The following UGT2B17 variants were observed in gnomAD, a reference collection of about 807,000 sequenced individuals.
UGT2B17 encodes UDP glucuronosyltransferase family 2 member B17, also known as UDP-glucuronosyltransferase 2B17.
UGT2B17 carries 21 observed loss-of-function variants against 48.2 expected under a neutral mutation model. The ratio of observed to expected loss-of-function variants is 0.44; its 90% confidence interval spans 0.31 to 0.63. The LOEUF (loss-of-function observed/expected upper bound fraction) is 0.63, where lower values mean the gene tolerates loss of function less well. Ranked by LOEUF, UGT2B17 falls within the 20% of genes least tolerant of loss-of-function variation. The pLI, the probability that UGT2B17 is intolerant of heterozygous loss-of-function variation, is 0.08. For missense variants in UGT2B17, 402 were observed against 696.1 expected (o/e 0.58, Z 4.75); for synonymous variants, 146 against 238.4 (o/e 0.61, Z 3.57).
Position 68,545,844 on chromosome 4 carries a change from G to A in UGT2B17, c.1313+4833C>T, listed in dbSNP as rs878909205. On this transcript the variant is annotated intron_variant, in intron 6 of 6. Transcript: ENST00000317746. Reference sequence around the variant, plus strand: ...TCAAGAAGAAATGGATAAATTCCTCGACACACACACCCTCCCAAGACTAAA... The same window carrying A: ...TCAAGAAGAAATGGATAAATTCCTCAACACACACACCCTCCCAAGACTAAA... Among the ~76,000 whole-genome samples, 18 of 125,360 alleles carry A rather than the reference G, an allele frequency of 1.4e-4. 3 individuals carry two copies. Among genetic ancestry groups the A allele is most frequent in the Non-Finnish European group, 2.2e-4 (13 of 59,348 alleles). 82.2% of individuals were successfully genotyped at this position (125,360 alleles called of 152,430 possible).
In UGT2B17 at chr4:68,575,769, C is replaced by T. The variant is rs1343589386; in HGVS notation, c.-65+182G>A. ...ATCAAAAGTGCCAATACAGGCACAC[C>T]GTGGGTGATCAGGCTATGCTACACT... is the stretch of plus-strand genomic sequence containing the variant. On this transcript the variant is annotated intron_variant, in intron 1 of 6. Transcript: ENST00000317746. Among the ~76,000 whole-genome samples, 7 of 126,002 alleles carry T rather than the reference C, an allele frequency of 5.6e-5. 2 individuals carry two copies. The highest frequency in any genetic ancestry group is 1.4e-4 in the African/African-American group (5 of 36,696). 82.7% of individuals were successfully genotyped at this position (126,002 alleles called of 152,430 possible). A position where few individuals can be genotyped will look rare whatever the true frequency, so the allele number is the denominator to read the frequency against.
intron 1 of UGT2B17, among the ~76,000 whole-genome samples, chr4:68,569,403 A>G (rs1304359059): frequency 8.0e-6 from 1 of 124,652 alleles, no homozygotes; most frequent in Non-Finnish European, 1.7e-5. Flanking sequence ...AAGCTGAGTC[A>G]AATTAGAGAA....
chr4:68,565,977 A>T lies in UGT2B17; in HGVS notation c.725-257T>A, dbSNP rs1345109759. Among the ~76,000 whole-genome samples the T allele has an allele frequency of 1.7e-5, 2 of 118,988 alleles. 1 individual carries two copies. Among genetic ancestry groups the T allele is most frequent in the East Asian group, 1.5e-3 (2 of 1,298 alleles). 78.1% of individuals were successfully genotyped at this position (118,988 alleles called of 152,430 possible). ...ATTAATGTATTTAATATATGTTAAT[A>T]TATTTTAATTTAATAGTATTTAATT... is the stretch of plus-strand genomic sequence containing the variant. On this transcript the variant is annotated intron_variant, in intron 2 of 6. Transcript: ENST00000317746.
At chr4:68,545,185 C>T (rs1425187788) in intron 6 of UGT2B17, among the ~76,000 whole-genome samples, 1 of 126,144 alleles carries the variant, frequency 7.9e-6, no homozygotes, top group African/African-American at 2.7e-5. Context: ...TAAAGCACTC[C>T]TCAGCAAATG....
chr4:68,549,472 A>C (rs1460516268), intron 6 of UGT2B17, among the ~76,000 whole-genome samples: 1 of 125,684 alleles, frequency 8.0e-6, no homozygotes, highest in Non-Finnish European at 1.7e-5. Context: ...AAATAGAAAA[A>C]TGACAAAATG....
Position 68,567,941 on chromosome 4 carries a change from C to T in UGT2B17, c.544G>A (p.Glu182Lys). 1 of 1,380,684 alleles carries T rather than the reference C, an allele frequency of 7.2e-7. No individual in the cohort carries two copies. Among genetic ancestry groups the T allele is most frequent in the Non-Finnish European group, 9.5e-7 (1 of 1,054,970 alleles). The allele number at this position is 1,380,684 out of a possible 1,614,324, so 85.5% of individuals were successfully genotyped here. A position where few individuals can be genotyped will look rare whatever the true frequency, so the allele number is the denominator to read the frequency against. The change falls in exon 2 of 7, where the codon GAG (glutamate) becomes AAG (lysine). Residue 182 changes from glutamate (E) to lysine (K), a missense_variant. By Grantham distance (56) the Glu-to-Lys change is moderately conservative. This residue lies in a region of UGT2B17 where 106 missense variants were observed against 169.8 expected (regional missense o/e 0.62). Coordinates refer to ENST00000317746, the MANE Select transcript of UGT2B17 (RefSeq NM_001077.4). ...AACAGAAATCCTCCACCATTCTTCT[C>T]AACTGTGTAGCCAACAGAGAAGCGG... The part of the protein sequence containing the change: ...SLRFSVGYTV[E>K]KNGGGFLFPP...
intron 6 of UGT2B17, among the ~76,000 whole-genome samples, chr4:68,542,402 G>A (rs1730680360): frequency 7.9e-6 from 1 of 126,332 alleles, no homozygotes; most frequent in Non-Finnish European, 1.7e-5. Flanking sequence ...CTAGCTCTGT[G>A]AGGAATGTCA....
intron 6 of UGT2B17, among the ~76,000 whole-genome samples, chr4:68,542,831 G>A (rs1303511296): frequency 7.9e-6 from 1 of 127,138 alleles, no homozygotes; most frequent in Non-Finnish European, 1.7e-5. Flanking sequence ...CGCCCACGGA[G>A]CCTCGCTCAT....
intron 2 of UGT2B17, 106 bp from the exon 3 acceptor site, chr4:68,565,826 T>C (rs930022544): frequency 8.7e-6 from 8 of 920,290 alleles, no homozygotes; most frequent in Non-Finnish European, 1.1e-5. Flanking sequence ...ATAACATACC[T>C]AAAAATATAT....
Position 68,568,017 on chromosome 4 carries a change from G to A in UGT2B17, c.468C>T (p.Pro156=). 1 of 1,382,288 alleles carries A rather than the reference G, an allele frequency of 7.2e-7. No homozygotes were observed. The highest frequency in any genetic ancestry group is 1.5e-5 in the African/African-American group (1 of 67,804). The allele number at this position is 1,382,288 out of a possible 1,614,324, so 85.6% of individuals were successfully genotyped here. ...GTAGCTCAGCCAGCAGCTCACCACAGGGATTAACGGCATCTGCCAGAAGGA... is the reference window on the plus strand; with the variant it reads ...GTAGCTCAGCCAGCAGCTCACCACAAGGATTAACGGCATCTGCCAGAAGGA... The part of the protein sequence containing the change: ...FDVLLADAVN[P]CGELLAELLN... Residue 156 remains proline, a synonymous_variant, in exon 2 of 7, where the codon CCC becomes CCT. Transcript: ENST00000317746.
Position 68,537,651 on chromosome 4 carries a change from T to A in UGT2B17, c.1567A>T (p.Thr523Ser). Residue 523 changes from threonine to serine, a missense_variant, in exon 7 of 7, where the codon ACA becomes TCA. Physicochemically the swap from Thr to Ser is moderately conservative, Grantham distance 58. Coordinates refer to ENST00000317746, the MANE Select transcript of UGT2B17 (RefSeq NM_001077.4). ...CLFCFRKLAK[T>S]GKKKKRD Reference sequence around the variant, plus strand: ...TAATCCCTTTTCTTCTTCTTTCCTGTTTTGGCAAGCTTTCGGAAACAAAAC... The same window carrying A: ...TAATCCCTTTTCTTCTTCTTTCCTGATTTGGCAAGCTTTCGGAAACAAAAC... 7.3e-7 allele frequency: 1 copy of A among 1,375,124 alleles called. No individual in the cohort carries two copies. The highest frequency in any genetic ancestry group is 9.5e-7 in the Non-Finnish European group (1 of 1,052,138). 85.2% of individuals were successfully genotyped at this position (1,375,124 alleles called of 1,614,324 possible).
intron 3 of UGT2B17, among the ~76,000 whole-genome samples, chr4:68,562,203 C>T (rs1159775276): frequency 8.0e-6 from 1 of 124,224 alleles, no homozygotes; most frequent in African/African-American, 2.8e-5. Context: ...GCGACCTCTG[C>T]CTCCCAGGTT....
At position 68,563,380 on chromosome 4, in the gene UGT2B17, C is replaced by A. The variant is rs192483559; in HGVS notation, c.873+2192G>T. ...ATCCCAGCACTTTGGAAGGTTGAGG[C>A]AAGTGGATCACCTGAGGTCAGGAGT... is the stretch of plus-strand genomic sequence containing the variant. On this transcript the variant is annotated intron_variant, in intron 3 of 6. Coordinates refer to ENST00000317746, the MANE Select transcript of UGT2B17 (RefSeq NM_001077.4). Among the ~76,000 whole-genome samples, 5 of 127,062 alleles carry A rather than the reference C, an allele frequency of 3.9e-5. 1 individual carries two copies. Among genetic ancestry groups the A allele is most frequent in the Admixed American group, 3.2e-4 (4 of 12,408 alleles). The allele number at this position is 127,062 out of a possible 152,430, so 83.4% of individuals were successfully genotyped here. A position where few individuals can be genotyped will look rare whatever the true frequency, so the allele number is the denominator to read the frequency against.
chr4:68,574,061 G>A lies in UGT2B17; in HGVS notation c.-65+1890C>T, dbSNP rs368131256. Among the ~76,000 whole-genome samples the A allele has an allele frequency of 1.6e-5, 2 of 127,232 alleles. 1 individual carries two copies. The highest frequency in any genetic ancestry group is 1.5e-3 in the East Asian group (2 of 1,328). 83.5% of individuals were successfully genotyped at this position (127,232 alleles called of 152,430 possible). ...ACAATTAGGGCCTCTGGCCTGCCAT[G>A]TGCACAAGCATAACAATTGCTTTTG... is the stretch of plus-strand genomic sequence containing the variant. On this transcript the variant is annotated intron_variant, in intron 1 of 6. Transcript: ENST00000317746.
At chr4:68,545,377 G>A (rs1730778396) in intron 6 of UGT2B17, among the ~76,000 whole-genome samples, 1 of 125,380 alleles carries the variant, frequency 8.0e-6, no homozygotes, top group Non-Finnish European at 1.7e-5. Flanking sequence ...TGAAACCAAC[G>A]AGAACAAAGA....
chr4:68,563,578 T>A lies in UGT2B17; in HGVS notation c.873+1994A>T, dbSNP rs1267526417. Among the ~76,000 whole-genome samples the A allele has an allele frequency of 3.9e-5, 5 of 126,970 alleles. 2 individuals are homozygous for A. The highest frequency in any genetic ancestry group is 8.4e-5 in the Non-Finnish European group (5 of 59,774). 83.3% of individuals were successfully genotyped at this position (126,970 alleles called of 152,430 possible). ...TTGCAGTGAGCTGAGATCATGGTAG[T>A]ATTAGTAATAATCACTATTGTACTA... On this transcript the variant is annotated intron_variant, in intron 3 of 6. Transcript: ENST00000317746.
At chr4:68,541,491 GGT>G (rs1303490520) in intron 6 of UGT2B17, among the ~76,000 whole-genome samples, 1 of 124,834 alleles carries the variant, frequency 8.0e-6, no homozygotes, top group African/African-American at 2.7e-5. Context: ...TTTTGGTGGT[GGT>G]GTTTTTTTTC....
chr4:68,547,591 A>G (rs1186500382), intron 6 of UGT2B17, among the ~76,000 whole-genome samples: 1 of 125,982 alleles, frequency 7.9e-6, no homozygotes, highest in African/African-American at 2.7e-5. Flanking sequence ...TCATTAAACT[A>G]AAGAGCTTCT....
Position 68,547,675 on chromosome 4 carries a change from A to C in UGT2B17, c.1313+3002T>G, listed in dbSNP as rs1170337785. Among the ~76,000 whole-genome samples, 2 of 126,268 alleles carry C rather than the reference A, an allele frequency of 1.6e-5. 1 individual carries two copies. The highest frequency in any genetic ancestry group is 3.4e-5 in the Non-Finnish European group (2 of 59,596). The allele number at this position is 126,268 out of a possible 152,430, so 82.8% of individuals were successfully genotyped here. On this transcript the variant is annotated intron_variant, in intron 6 of 6. Coordinates refer to ENST00000317746, the MANE Select transcript of UGT2B17 (RefSeq NM_001077.4). ...GGGAGAACATTTTTGCAATCTACTC[A>C]TCTGACAAAGGGCTAATATCCAGAA...
Sources: allele counts gnomAD v4.1 joint callset (sites outside exome capture counted in the v4.1 genomes callset), GRCh38; gene constraint gnomAD v4.1.1; regional missense constraint gnomAD v4.1.1; transcripts MANE v1.5; gene names NCBI Gene and HGNC (gene_info 2026-07-23, HGNC 2026-07-21).